NCKAP5: variants seen among roughly 807,000 people sequenced by gnomAD.
NCKAP5 encodes the protein NCK associated protein 5.
A neutral mutation model predicts 167.0 loss-of-function variants in NCKAP5; 92 were observed. The ratio of observed to expected loss-of-function variants is 0.55; its 90% CI spans 0.47 to 0.66. The LOEUF (loss-of-function observed/expected upper bound fraction) is 0.66, where lower values mean the gene tolerates loss of function less well. NCKAP5 is among the 30% of genes least tolerant of loss of function. The pLI, the probability that NCKAP5 is intolerant of heterozygous loss-of-function variation, is 0.00. For missense variants in NCKAP5, 2,378 were observed against 2,315.0 expected, an observed-to-expected ratio of 1.03 and a Z score of -0.56; for synonymous variants, 891 against 877.4, an observed-to-expected ratio of 1.02 and a Z score of -0.27.
chr2:133,156,904 G>A (rs1167840162), intron 5 of NCKAP5, among the ~76,000 whole-genome samples: 3 of 152,052 alleles, frequency 2.0e-5, no homozygotes, highest in Admixed American at 6.6e-5. Flanking sequence ...AAGCTAGCAC[G>A]CCAACCTAAT....
intron 3 of NCKAP5, among the ~76,000 whole-genome samples, chr2:133,443,172 C>A (rs897432756): frequency 6.6e-6 from 1 of 152,190 alleles, no homozygotes; most frequent in Non-Finnish European, 1.5e-5. Flanking sequence ...GGGACTATGG[C>A]ATTGGGCACT....
At chr2:132,961,434 T>C (rs2076508557) in intron 8 of NCKAP5, among the ~76,000 whole-genome samples, 1 of 151,996 alleles carries the variant, frequency 6.6e-6, no homozygotes, top group Non-Finnish European at 1.5e-5. Context: ...GATAGTAAGA[T>C]GTGAAGGCAA....
At chr2:133,483,799 T>C (rs533805310) in intron 3 of NCKAP5, among the ~76,000 whole-genome samples, 1 of 152,214 alleles carries the variant, frequency 6.6e-6, no homozygotes, top group East Asian at 1.9e-4. Flanking sequence ...TTAATAAAAA[T>C]GAAGATTGCA....
intron 16 of NCKAP5, among the ~76,000 whole-genome samples, chr2:132,745,250 T>G (rs1216742685): frequency 6.6e-6 from 1 of 151,826 alleles, no homozygotes; most frequent in Non-Finnish European, 1.5e-5. Flanking sequence ...ATTAAGCAAA[T>G]TACTCACCAA....
intron 6 of NCKAP5, among the ~76,000 whole-genome samples, chr2:133,036,200 G>T (rs1418209502): frequency 6.6e-6 from 1 of 151,848 alleles, no homozygotes; most frequent in Non-Finnish European, 1.5e-5. Flanking sequence ...CAGTAAAGAA[G>T]AACTTGGGAC....
intron 8 of NCKAP5, among the ~76,000 whole-genome samples, chr2:132,950,511 A>C (rs2076151457): frequency 6.6e-6 from 1 of 152,210 alleles, no homozygotes; most frequent in Non-Finnish European, 1.5e-5. Context: ...GGGTAAGGTC[A>C]TAAATGGGAT....
At chr2:133,343,487 C>G (rs541928250) in intron 3 of NCKAP5, among the ~76,000 whole-genome samples, 2 of 151,382 alleles carry the variant, frequency 1.3e-5, no homozygotes, top group South Asian at 4.2e-4. Context: ...TAGTATAAGG[C>G]AAATATAAAA....
the NCKAP5 span, among the ~76,000 whole-genome samples, chr2:133,639,251 C>A: frequency 7.2e-5 from 11 of 152,162 alleles, no homozygotes; most frequent in Non-Finnish European, 1.0e-4. Context: ...ATTTGAGGAA[C>A]AAATGGCAAC....
chr2:133,611,733 A>G, the NCKAP5 span, among the ~76,000 whole-genome samples: 2 of 152,070 alleles, frequency 1.3e-5, no homozygotes, highest in East Asian at 3.9e-4. Context: ...GAAGTCCCTC[A>G]CTTCTCTCCA....
intron 2 of NCKAP5, among the ~76,000 whole-genome samples, chr2:133,530,574 T>C (rs1050263489): frequency 1.1e-4 from 17 of 152,318 alleles, no homozygotes; most frequent in Admixed American, 1.0e-3. Context: ...GGTAGTAGAT[T>C]GTTTAATGGC....
intron 4 of NCKAP5, among the ~76,000 whole-genome samples, chr2:133,269,217 A>G (rs1324889705): frequency 6.6e-6 from 1 of 152,178 alleles, no homozygotes; most frequent in Non-Finnish European, 1.5e-5. Flanking sequence ...TCAGTGTTGG[A>G]ATATATGAAG....
At chr2:133,639,915 C>T in the NCKAP5 span, among the ~76,000 whole-genome samples, 2 of 152,216 alleles carry the variant, frequency 1.3e-5, no homozygotes, top group African/African-American at 2.4e-5. Flanking sequence ...ACACAATTAT[C>T]ATGGACGAAT....
At chr2:133,578,447 G>A in the NCKAP5 span, among the ~76,000 whole-genome samples, 4 of 152,222 alleles carry the variant, frequency 2.6e-5, no homozygotes, top group Non-Finnish European at 5.9e-5. Flanking sequence ...CCTTGTCGGG[G>A]AGCAGGAAGC....
intron 3 of NCKAP5, among the ~76,000 whole-genome samples, chr2:133,397,661 T>C (rs971075875): frequency 3.3e-5 from 5 of 152,140 alleles, no homozygotes; most frequent in Non-Finnish European, 5.9e-5. Context: ...GGTTGTAGAG[T>C]GCACAGGGTG....
At chr2:132,813,729 G>C (rs1290475414) in intron 11 of NCKAP5, among the ~76,000 whole-genome samples, 5 of 152,032 alleles carry the variant, frequency 3.3e-5, no homozygotes, top group Non-Finnish European at 4.4e-5. Flanking sequence ...ACTTAACTTT[G>C]GAAGATAACC....
At chr2:132,890,710 A>G (rs1692626921) in intron 8 of NCKAP5, among the ~76,000 whole-genome samples, 1 of 152,138 alleles carries the variant, frequency 6.6e-6, no homozygotes, top group African/African-American at 2.4e-5. Context: ...GGGTTTCTGA[A>G]TCACTCATCT....
intron 3 of NCKAP5, among the ~76,000 whole-genome samples, chr2:133,321,635 A>C (rs1263740104): frequency 6.6e-6 from 1 of 152,230 alleles, no homozygotes; most frequent in African/African-American, 2.4e-5. Context: ...AAAGAAGAGA[A>C]AAGCGGGAAA....
Position 133,547,811 on chromosome 2 carries a change from C to T in NCKAP5, c.-62+11239G>A, listed in dbSNP as rs376874056. ...AACAGAAAAACTGGAAACTCTAAAA[C>T]GCAGAGCGCCTCTCCTCCTCCAAAG... is the stretch of plus-strand genomic sequence containing the variant. On this transcript the variant is annotated intron_variant, in intron 2 of 19. Transcript: ENST00000409261. 4.0e-4 allele frequency among the ~76,000 whole-genome samples: 58 copies of T among 146,392 alleles called. 1 individual carries two copies. The South Asian group carries it at 7.0e-3, about 18-fold the overall frequency.
chr2:133,217,611 G>A (rs779567616), intron 4 of NCKAP5, among the ~76,000 whole-genome samples: 17 of 152,134 alleles, frequency 1.1e-4, no homozygotes, highest in East Asian at 3.9e-4. Flanking sequence ...CAGTTGTGGC[G>A]TAGTTAGTAT....
Sources: gnomAD v4.1 joint callset for allele counts (sites outside exome capture counted in the v4.1 genomes callset) on GRCh38, gnomAD v4.1.1 for gene constraint, MANE v1.5 for transcripts, NCBI Gene and HGNC (gene_info 2026-07-23, HGNC 2026-07-21) for gene names.